The following NRG3 variants were observed in gnomAD, a reference collection of about 807,000 sequenced individuals.
NRG3 encodes the protein pro-neuregulin-3, membrane-bound isoform.
Under a neutral mutation model 66.9 loss-of-function variants are expected in NRG3, and 31 were observed. The ratio of observed to expected loss-of-function variants is 0.46; its 90% CI spans 0.35 to 0.63. The LOEUF (loss-of-function observed/expected upper bound fraction) is 0.63, where lower values mean the gene tolerates loss of function less well. NRG3 is among the 20% of genes least tolerant of loss of function. NRG3 has a pLI of 0.00. For synonymous variants in NRG3, 393 were observed against 359.4 expected (o/e 1.09, Z -1.06); for missense variants, 910 against 878.9 (o/e 1.04, Z -0.45).
intron 8 of NRG3, among the ~76,000 whole-genome samples, chr10:82,981,435 C>T (rs931015780): frequency 1.3e-5 from 2 of 152,186 alleles, no homozygotes; most frequent in African/African-American, 4.8e-5. Context: ...AGCCATTTTC[C>T]ACTCCCTGGG....
At chr10:81,926,078 A>C (rs952271083) in intron 1 of NRG3, among the ~76,000 whole-genome samples, 3 of 152,116 alleles carry the variant, frequency 2.0e-5, no homozygotes, top group African/African-American at 7.2e-5. Context: ...ATTTAAAGAA[A>C]ATTTGTAGAA....
chr10:82,334,913 G>A (rs2082312741), intron 1 of NRG3, among the ~76,000 whole-genome samples: 1 of 152,122 alleles, frequency 6.6e-6, no homozygotes, highest in Admixed American at 6.5e-5. Context: ...CAGCTCTCAG[G>A]AGGTGCCAGC....
chr10:82,720,584 A>G (rs540475477), intron 2 of NRG3, among the ~76,000 whole-genome samples: 48 of 151,952 alleles, frequency 3.2e-4, no homozygotes, highest in African/African-American at 1.1e-3. Flanking sequence ...TTCAATCTCT[A>G]AACCTACAAA....
intron 2 of NRG3, among the ~76,000 whole-genome samples, chr10:82,725,581 C>T (rs2248954): frequency 0.87 from 132,522 of 152,218 alleles, 57,842 homozygotes; most frequent in African/African-American, 0.92. Context: ...TTAATAGTTC[C>T]TACTACTGTG....
chr10:82,878,689 G>T (rs1422373897), intron 4 of NRG3, among the ~76,000 whole-genome samples: 1 of 152,156 alleles, frequency 6.6e-6, no homozygotes, highest in Non-Finnish European at 1.5e-5. Flanking sequence ...CGAGGATGAG[G>T]CAATCTGTTT....
At chr10:82,770,495 T>A (rs986129566) in intron 3 of NRG3, among the ~76,000 whole-genome samples, 4 of 152,182 alleles carry the variant, frequency 2.6e-5, no homozygotes, top group African/African-American at 2.4e-5. Flanking sequence ...GACATCCTAG[T>A]TTGTACCAGA....
intron 1 of NRG3, among the ~76,000 whole-genome samples, chr10:82,026,782 G>A (rs889385633): frequency 1.3e-5 from 2 of 151,876 alleles, no homozygotes; most frequent in Non-Finnish European, 2.9e-5. Context: ...CAAGTTCAGT[G>A]AATACTGTCA....
chr10:82,901,959 T>A (rs1183162406), intron 4 of NRG3, among the ~76,000 whole-genome samples: 1 of 152,228 alleles, frequency 6.6e-6, no homozygotes, highest in East Asian at 1.9e-4. Context: ...AGTAGCTTTT[T>A]CGTTTCATTT....
chr10:82,803,833 G>A (rs1460544393), intron 3 of NRG3, among the ~76,000 whole-genome samples: 1 of 152,160 alleles, frequency 6.6e-6, no homozygotes, highest in African/African-American at 2.4e-5. Flanking sequence ...TTGAACACAC[G>A]AAGTAGTCCC....
chr10:82,951,661 G>C, intron 5 of NRG3, 90 bp downstream of exon 5: 6 of 1,066,108 alleles, frequency 5.6e-6, no homozygotes, highest in Non-Finnish European at 8.5e-6. Flanking sequence ...GCCACACAGA[G>C]GGAACCTGTG....
At position 82,504,174 on chromosome 10, in the gene NRG3, C is replaced by A. The variant is rs141399598; in HGVS notation, c.953+145306C>A. ...TTGCAGAAGGGACGGGTTTCTATAA[C>A]TCTGTGCCCTTCATGAATGATCAGT... On this transcript the variant is annotated intron_variant, in intron 2 of 8. Transcript: ENST00000372141. Among the ~76,000 whole-genome samples, 541 of 152,268 alleles carry A rather than the reference C, an allele frequency of 3.6e-3. 2 individuals carry two copies. The highest frequency in any genetic ancestry group is 0.013 in the African/African-American group (523 of 41,544).
intron 4 of NRG3, among the ~76,000 whole-genome samples, chr10:82,947,423 G>T (rs1431752890): frequency 5.3e-5 from 8 of 151,962 alleles, no homozygotes; most frequent in African/African-American, 1.4e-4. Context: ...ATGAACATTG[G>T]GTACCCAGTG....
chr10:82,441,491 A>C (rs1317802135), intron 2 of NRG3, among the ~76,000 whole-genome samples: 1 of 152,142 alleles, frequency 6.6e-6, no homozygotes, highest in East Asian at 1.9e-4. Context: ...TTCATTCGGA[A>C]ACTTCATTTT....
intron 1 of NRG3, among the ~76,000 whole-genome samples, chr10:82,158,966 C>G (rs1279657211): frequency 1.3e-5 from 2 of 151,848 alleles, no homozygotes; most frequent in African/African-American, 4.8e-5. Context: ...GCTCAAACTT[C>G]TGCATGAAGA....
At chr10:82,349,557 G>A (rs1392165189) in intron 1 of NRG3, among the ~76,000 whole-genome samples, 1 of 152,022 alleles carries the variant, frequency 6.6e-6, no homozygotes, top group Non-Finnish European at 1.5e-5. Context: ...AGCCTACAGA[G>A]GCAGGCAGGC....
chr10:82,489,084 G>A (rs770008431), intron 2 of NRG3, among the ~76,000 whole-genome samples: 1 of 152,084 alleles, frequency 6.6e-6, no homozygotes. Flanking sequence ...TATGAGACTA[G>A]TATTGTAAAC....
intron 1 of NRG3, among the ~76,000 whole-genome samples, chr10:82,304,232 T>G (rs1409470695): frequency 6.6e-6 from 1 of 152,220 alleles, no homozygotes; most frequent in African/African-American, 2.4e-5. Context: ...TTAAACTTAT[T>G]TTTTCTTATT....
At chr10:82,334,560 G>A (rs1288697901) in intron 1 of NRG3, among the ~76,000 whole-genome samples, 2 of 152,152 alleles carry the variant, frequency 1.3e-5, no homozygotes, top group African/African-American at 4.8e-5. Context: ...CATTTAGTGA[G>A]TGATTTTATA....
chr10:82,810,486 G>A (rs777596915), intron 3 of NRG3, among the ~76,000 whole-genome samples: 11 of 152,150 alleles, frequency 7.2e-5, no homozygotes, highest in Non-Finnish European at 1.6e-4. Context: ...CTGAAGGCCA[G>A]GCACTGTGGC....
Sources: gnomAD v4.1 joint callset for allele counts (sites outside exome capture counted in the v4.1 genomes callset) on GRCh38, gnomAD v4.1.1 for gene constraint, MANE v1.5 for transcripts, NCBI Gene and HGNC (gene_info 2026-07-23, HGNC 2026-07-21) for gene names.